The following TRIP12 variants were observed in gnomAD, a reference collection of about 807,000 sequenced individuals.
The protein encoded by TRIP12 is E3 ubiquitin-protein ligase TRIP12.
Under a neutral mutation model 244.2 loss-of-function variants are expected in TRIP12, and 25 were observed. The ratio of observed to expected loss-of-function variants is 0.10; its 90% CI spans 0.07 to 0.14. TRIP12 has a LOEUF of 0.14. TRIP12 is among the 10% of genes least tolerant of loss of function. The pLI, the probability that TRIP12 is intolerant of heterozygous loss-of-function variation, is 1.00. For synonymous variants in TRIP12, 905 were observed against 873.1 expected (o/e 1.04, Z -0.64); for missense variants, 1,677 against 2,486.4 (o/e 0.67, Z 6.92).
chr2:229,850,329 T>C (rs537601251), intron 4 of TRIP12, among the ~76,000 whole-genome samples: 2 of 152,300 alleles, frequency 1.3e-5, no homozygotes, highest in South Asian at 4.1e-4. Context: ...CTAGGATTAT[T>C]TGTTAGTAAT....
intron 8 of TRIP12, among the ~76,000 whole-genome samples, chr2:229,819,397 T>G (rs1350014599): frequency 6.6e-6 from 1 of 151,934 alleles, no homozygotes; most frequent in Non-Finnish European, 1.5e-5. Context: ...ATACAAAAAT[T>G]AGCCGAGCGC....
At chr2:229,826,217 T>A (rs925446202) in intron 8 of TRIP12, among the ~76,000 whole-genome samples, 24 of 152,192 alleles carry the variant, frequency 1.6e-4, no homozygotes, top group South Asian at 6.2e-4. Context: ...AATACTACCA[T>A]TTTGTAACCC....
intron 1 of TRIP12, among the ~76,000 whole-genome samples, chr2:229,889,474 G>A (rs2066825858): frequency 6.6e-6 from 1 of 152,138 alleles, no homozygotes; most frequent in South Asian, 2.1e-4. Context: ...GGTCTCAAAA[G>A]CACACAGACA....
chr2:229,776,544 T>C (rs2036309923), intron 37 of TRIP12, among the ~76,000 whole-genome samples: 2 of 152,094 alleles, frequency 1.3e-5, no homozygotes, highest in South Asian at 4.2e-4. Context: ...TAAAATCCTA[T>C]CCCTCTACCA....
intron 6 of TRIP12, among the ~76,000 whole-genome samples, chr2:229,834,178 C>G (rs913653373): frequency 2.0e-5 from 3 of 152,204 alleles, no homozygotes; most frequent in Admixed American, 6.5e-5. Flanking sequence ...AGTGAAAATA[C>G]TGGAGAGATG....
intron 8 of TRIP12, among the ~76,000 whole-genome samples, chr2:229,827,414 ATT>A (rs758910615): frequency 2.0e-5 from 3 of 152,156 alleles, no homozygotes; most frequent in Middle Eastern, 6.8e-3. Flanking sequence ...GTACAAAAAC[ATT>A]TTCTTTCTTT....
rs1490942074 is a variant in TRIP12 at position 229,911,386 on chromosome 2, GTT to G, written c.-50+10492_-50+10493del. 2.0e-5 allele frequency among the ~76,000 whole-genome samples: 3 copies of G among 152,112 alleles called. No homozygotes were observed. In the East Asian group the frequency reaches 5.8e-4, roughly 29 times the overall value. On this transcript the variant is annotated intron_variant, in intron 1 of 41. Coordinates refer to ENST00000675903, the MANE Select transcript of TRIP12 (RefSeq NM_001348323.3). ...AGCTATCAGAACACTGAAAAAAATT[GTT>G]TTTAGTTTCTCTTCAGCCACCATAC... is the stretch of plus-strand genomic sequence containing the variant.
chr2:229,875,515 G>T (rs1193351370), intron 2 of TRIP12, among the ~76,000 whole-genome samples: 1 of 152,172 alleles, frequency 6.6e-6, no homozygotes, highest in Non-Finnish European at 1.5e-5. Flanking sequence ...CCAGTGGGCT[G>T]CAATGAAACA....
At position 229,764,765 on chromosome 2, in the gene TRIP12, A is replaced by G. The variant is rs1475461435; in HGVS notation, c.*2789T>C. The G allele has an allele frequency of 6.6e-6, 1 of 152,188 alleles. No homozygotes were observed. Among genetic ancestry groups the G allele is most frequent in the Non-Finnish European group, 1.5e-5 (1 of 68,040 alleles). The allele number at this position is 152,188 out of a possible 1,614,324, so 9.4% of individuals were successfully genotyped here. A position where few individuals can be genotyped will look rare whatever the true frequency, so the allele number is the denominator to read the frequency against. On this transcript the variant is annotated 3_prime_UTR_variant, in exon 42 of 42. Coordinates refer to ENST00000675903, the MANE Select transcript of TRIP12 (RefSeq NM_001348323.3). ...CTAGGGAAGTCACTCCACAATACGGAGTGGTCACATTCATTTGAAGGCACC... is the reference window on the plus strand; with the variant it reads ...CTAGGGAAGTCACTCCACAATACGGGGTGGTCACATTCATTTGAAGGCACC...
intron 33 of TRIP12, among the ~76,000 whole-genome samples, chr2:229,786,677 A>G (rs2040165334): frequency 6.8e-6 from 1 of 146,694 alleles, no homozygotes; most frequent in African/African-American, 2.5e-5. Flanking sequence ...TCGGCCTCCC[A>G]AAGTGCTGGG....
chr2:229,846,217 T>G (rs752354088), intron 4 of TRIP12, among the ~76,000 whole-genome samples: 1 of 152,284 alleles, frequency 6.6e-6, no homozygotes. Context: ...TAAAATGCTA[T>G]CAAACAGCAT....
At chr2:229,782,858 A>G (rs1352982200) in intron 34 of TRIP12, among the ~76,000 whole-genome samples, 4 of 152,198 alleles carry the variant, frequency 2.6e-5, no homozygotes, top group Non-Finnish European at 5.9e-5. Flanking sequence ...CATTTTACAG[A>G]TAAGAAAGCT....
At chr2:229,912,362 A>C (rs2074447112) in intron 1 of TRIP12, among the ~76,000 whole-genome samples, 1 of 152,188 alleles carries the variant, frequency 6.6e-6, no homozygotes, top group Non-Finnish European at 1.5e-5. Flanking sequence ...CACCTTTTTC[A>C]CATCACCTAT....
intron 37 of TRIP12, 120 bp from the exon 38 acceptor site, chr2:229,774,381 C>T (rs866230187): frequency 6.2e-6 from 6 of 968,704 alleles, no homozygotes; most frequent in Middle Eastern, 3.2e-4. Context: ...GGGTTCAACT[C>T]TTAGCCTCTT....
At chr2:229,782,037 G>C (rs2038347210) in intron 34 of TRIP12, among the ~76,000 whole-genome samples, 1 of 152,070 alleles carries the variant, frequency 6.6e-6, no homozygotes, top group Non-Finnish European at 1.5e-5. Context: ...GAACCATGAG[G>C]GATGAGAGAG....
intron 4 of TRIP12, among the ~76,000 whole-genome samples, chr2:229,855,837 T>A (rs528451129): frequency 6.6e-6 from 1 of 151,636 alleles, no homozygotes; most frequent in Non-Finnish European, 1.5e-5. Flanking sequence ...AAGTCGGGAG[T>A]TCGAGACCAG....
intron 4 of TRIP12, among the ~76,000 whole-genome samples, chr2:229,854,515 G>C (rs898497673): frequency 6.6e-6 from 1 of 152,096 alleles, no homozygotes; most frequent in East Asian, 1.9e-4. Context: ...TCCTCAAATA[G>C]CTATTATGCC....
rs1574852803 is a variant in TRIP12, at chr2:229,779,071, C to G, written c.5095-81G>C. 2.8e-6 allele frequency: 3 copies of G among 1,077,358 alleles called. No individual in the cohort carries two copies. In the East Asian group the frequency reaches 7.1e-5, roughly 25 times the overall value. 66.7% of individuals were successfully genotyped at this position (1,077,358 alleles called of 1,614,324 possible). On this transcript the variant is annotated intron_variant, in intron 34 of 41. Transcript: ENST00000675903. ...TGCCAACCTCTTGGAAATGTGCACA[C>G]TAACAGCAACTGTTTACCAGGATGC...
At chr2:229,870,164 A>G (rs1350064678) in intron 2 of TRIP12, among the ~76,000 whole-genome samples, 1 of 152,222 alleles carries the variant, frequency 6.6e-6, no homozygotes, top group Non-Finnish European at 1.5e-5. Context: ...CCATTCCACA[A>G]GACTACTGTT....
Sources: gnomAD v4.1 joint callset for allele counts (sites outside exome capture counted in the v4.1 genomes callset) on GRCh38, gnomAD v4.1.1 for gene constraint, MANE v1.5 for transcripts, NCBI Gene and HGNC (gene_info 2026-07-23, HGNC 2026-07-21) for gene names.